Variants in RYR3 observed in about 807,000 individuals in gnomAD.
RYR3 encodes brain ryanodine receptor-calcium release channel.
A neutral mutation model predicts 584.3 loss-of-function variants in RYR3; 207 were observed. The observed-to-expected ratio is 0.35, with a 90% CI of 0.32 to 0.40. The LOEUF (loss-of-function observed/expected upper bound fraction) is 0.40. Ranked by LOEUF, RYR3 falls within the 10% of genes least tolerant of loss-of-function variation. RYR3 has a pLI of 1.00. For synonymous variants in RYR3, 2,416 were observed against 2,248.5 expected (o/e 1.07, Z -2.11); for missense variants, 5,616 against 6,089.2 (o/e 0.92, Z 2.59).
At chr15:33,440,717 C>G (rs949249389) in intron 1 of RYR3, among the ~76,000 whole-genome samples, 2 of 152,178 alleles carry the variant, frequency 1.3e-5, no homozygotes, top group Admixed American at 6.5e-5. Flanking sequence ...CAGGCTCTAT[C>G]CCTAGAGGTT....
chr15:33,709,296 A>G (rs986152572), intron 43 of RYR3, among the ~76,000 whole-genome samples: 1 of 152,194 alleles, frequency 6.6e-6, no homozygotes, highest in African/African-American at 2.4e-5. Flanking sequence ...GGAAACTTAT[A>G]TCTTATTGAG....
intron 67 of RYR3, among the ~76,000 whole-genome samples, chr15:33,790,395 G>A (rs1474064703): frequency 1.3e-5 from 2 of 152,082 alleles, no homozygotes; most frequent in East Asian, 1.9e-4. Flanking sequence ...TCAGATTCTG[G>A]GTCTGTTTTG....
At chr15:33,823,854 C>T (rs943659379) in intron 81 of RYR3, among the ~76,000 whole-genome samples, 2 of 152,016 alleles carry the variant, frequency 1.3e-5, no homozygotes, top group African/African-American at 4.8e-5. Context: ...GTTCATTTGC[C>T]TCCAATTATG....
intron 1 of RYR3, among the ~76,000 whole-genome samples, chr15:33,336,436 AAGAAAG>A (rs1350529934): frequency 4.0e-4 from 7 of 17,524 alleles, no homozygotes; most frequent in South Asian, 4.6e-3. Flanking sequence ...GAAAGAAAGA[AAGAAAG>A]AGAGAGAGAG....
intron 1 of RYR3, among the ~76,000 whole-genome samples, chr15:33,341,655 G>T (rs759250024): frequency 1.3e-5 from 2 of 152,028 alleles, no homozygotes; most frequent in Non-Finnish European, 2.9e-5. Flanking sequence ...TAGAGAGTGG[G>T]TGTTGTAGGA....
At chr15:33,831,182 C>T (rs769288933) in intron 86 of RYR3, 91 bp downstream of exon 86, 8 of 1,266,818 alleles carry the variant, frequency 6.3e-6, no homozygotes, top group South Asian at 1.5e-5. Flanking sequence ...TGATTGTACA[C>T]AGTGCACTAT....
chr15:33,519,138 G>A (rs1446456995), intron 3 of RYR3, among the ~76,000 whole-genome samples: 1 of 152,168 alleles, frequency 6.6e-6, no homozygotes, highest in Non-Finnish European at 1.5e-5. Context: ...AATGCATGGG[G>A]GGCAGTTCAG....
chr15:33,464,331 A>T (rs1183197059), intron 1 of RYR3, among the ~76,000 whole-genome samples: 4 of 151,456 alleles, frequency 2.6e-5, no homozygotes, highest in African/African-American at 9.7e-5. Context: ...CACATCCTGC[A>T]TGAAGGGAAC....
chr15:33,466,702 G>A (rs1447273519), intron 1 of RYR3, among the ~76,000 whole-genome samples: 1 of 152,150 alleles, frequency 6.6e-6, no homozygotes, highest in Non-Finnish European at 1.5e-5. Flanking sequence ...AGCAAACAGG[G>A]TATCATAGAT....
intron 28 of RYR3, among the ~76,000 whole-genome samples, chr15:33,644,936 C>T (rs575634364): frequency 4.6e-5 from 7 of 151,754 alleles, no homozygotes; most frequent in African/African-American, 4.8e-5. Flanking sequence ...CCCTTGAGCT[C>T]GGGAGTTCGA....
intron 81 of RYR3, 79 bp from the exon 82 acceptor site, chr15:33,825,524 C>A: frequency 2.2e-6 from 2 of 889,144 alleles, no homozygotes; most frequent in Non-Finnish European, 3.7e-6. Context: ...TATGCTTAGT[C>A]GATAGGTACA....
chr15:33,739,489 A>G (rs2069847254), intron 50 of RYR3, among the ~76,000 whole-genome samples: 1 of 149,454 alleles, frequency 6.7e-6, no homozygotes, highest in Non-Finnish European at 1.5e-5. Context: ...TTCTGTGACC[A>G]TCCTTAGCAG....
chr15:33,826,550 C>T lies in RYR3; in HGVS notation c.11165-122C>T, dbSNP rs1185649308. On this transcript the variant is annotated intron_variant, in intron 83 of 103. Transcript: ENST00000634891. ...TTAATTGGGCTTTTCACCATTCATC[C>T]AAAGTTCCTTTTCCAAACCATTCTG... 8.7e-6 allele frequency: 8 copies of T among 921,616 alleles called. No individual in the cohort carries two copies. In the East Asian group the frequency reaches 1.9e-4, roughly 22 times the overall value. 57.1% of individuals were successfully genotyped at this position (921,616 alleles called of 1,614,324 possible).
chr15:33,555,426 C>A (rs929452713), intron 10 of RYR3, among the ~76,000 whole-genome samples: 2 of 152,186 alleles, frequency 1.3e-5, no homozygotes, highest in Non-Finnish European at 2.9e-5. Context: ...TCACTTACTG[C>A]AGCTTCATTT....
In RYR3 at chr15:33,412,041, G is replaced by T. The variant is rs2141494621; in HGVS notation, c.52-61378G>T. Among the ~76,000 whole-genome samples, 1 of 152,200 alleles carries T rather than the reference G, an allele frequency of 6.6e-6. No homozygotes were observed. The highest frequency in any genetic ancestry group is 2.1e-4 in the South Asian group (1 of 4,798). On this transcript the variant is annotated intron_variant, in intron 1 of 103. Coordinates refer to ENST00000634891, the MANE Select transcript of RYR3 (RefSeq NM_001036.6). This position sits in a 1 kb window ranked among gnomAD's most constrained non-coding sequence, Gnocchi z 4.3. ...ACTGTGAAGGTAATATCCAACTTAG[G>T]TTCCCAGTGTGTCAGCCACACCTGT... is the stretch of plus-strand genomic sequence containing the variant.
intron 10 of RYR3, among the ~76,000 whole-genome samples, chr15:33,561,347 C>T (rs2057387981): frequency 1.3e-5 from 2 of 152,144 alleles, no homozygotes; most frequent in Non-Finnish European, 2.9e-5. Flanking sequence ...ACAGAGGTAA[C>T]CTCTGAGCAG....
At chr15:33,467,403 G>T (rs569544865) in intron 1 of RYR3, 1 of 768,810 alleles carries the variant, frequency 1.3e-6, no homozygotes, top group African/African-American at 1.9e-5. Context: ...CCGTAGAGAA[G>T]CGGGAGAGCC....
chr15:33,760,419 C>T lies in RYR3; in HGVS notation c.8705+2823C>T, dbSNP rs151066991. On this transcript the variant is annotated intron_variant, in intron 60 of 103. Coordinates refer to ENST00000634891, the MANE Select transcript of RYR3 (RefSeq NM_001036.6). ...AAGGGATGGAGAAATATTTACCAAG[C>T]AAATGGAAAGCAAAAAAAAGCAGGG... Among the ~76,000 whole-genome samples the T allele has an allele frequency of 2.2e-3, 335 of 152,090 alleles. 3 individuals are homozygous for T. The highest frequency in any genetic ancestry group is 7.7e-3 in the African/African-American group (318 of 41,496).
chr15:33,341,599 C>T (rs1971828972), intron 1 of RYR3, among the ~76,000 whole-genome samples: 1 of 152,044 alleles, frequency 6.6e-6, no homozygotes, highest in African/African-American at 2.4e-5. Flanking sequence ...ATATATTGTA[C>T]CATCTACCAT....
Sources: gnomAD v4.1 joint callset for allele counts (sites outside exome capture counted in the v4.1 genomes callset) on GRCh38, gnomAD v4.1.1 for gene constraint, Gnocchi (gnomAD v3.1) non-coding constraint, MANE v1.5 for transcripts, NCBI Gene and HGNC (gene_info 2026-07-23, HGNC 2026-07-21) for gene names.